CCDC7: variants seen among roughly 807,000 people sequenced by gnomAD.
CCDC7 encodes coiled-coil domain-containing protein 7.
In CCDC7, 183 loss-of-function variants were observed where a neutral mutation model predicts 196.9. That is an observed-to-expected ratio of 0.93 (90% CI 0.82 to 1.05). The LOEUF is 1.05. CCDC7 is among the 50% of genes least tolerant of loss of function. The pLI, the probability that CCDC7 is intolerant of heterozygous loss-of-function variation, is 0.00. For missense variants in CCDC7, 1,540 were observed against 1,482.2 expected, an observed-to-expected ratio of 1.04 and a Z score of -0.64; for synonymous variants, 525 against 484.6, an observed-to-expected ratio of 1.08 and a Z score of -1.10.
At chr10:32,789,852 T>C (rs2082419112) in intron 29 of CCDC7, among the ~76,000 whole-genome samples, 1 of 152,216 alleles carries the variant, frequency 6.6e-6, no homozygotes, top group Non-Finnish European at 1.5e-5. Flanking sequence ...AAGAATAGAA[T>C]AGGCATTGCC....
intron 18 of CCDC7, among the ~76,000 whole-genome samples, chr10:32,606,870 G>A (rs1342089991): frequency 6.6e-6 from 1 of 152,152 alleles, no homozygotes; most frequent in African/African-American, 2.4e-5. Flanking sequence ...TTAAGAGTTT[G>A]GGGGCTATTG....
chr10:32,728,500 T>C (rs1829548938), intron 26 of CCDC7, among the ~76,000 whole-genome samples: 1 of 152,228 alleles, frequency 6.6e-6, no homozygotes, highest in Non-Finnish European at 1.5e-5. Context: ...CTCCTGTGTG[T>C]GAAAATCTCA....
At chr10:32,601,689 C>A (rs2061025984) in intron 18 of CCDC7, among the ~76,000 whole-genome samples, 1 of 152,084 alleles carries the variant, frequency 6.6e-6, no homozygotes, top group African/African-American at 2.4e-5. Flanking sequence ...ATGCACCAAT[C>A]AGCACTCTGT....
At chr10:32,516,977 C>T (rs1262801383) in intron 9 of CCDC7, among the ~76,000 whole-genome samples, 1 of 152,130 alleles carries the variant, frequency 6.6e-6, no homozygotes, top group African/African-American at 2.4e-5. Context: ...TGTTATTTGG[C>T]AGTAACATAG....
chr10:32,624,695 C>G (rs1243371434), intron 18 of CCDC7, among the ~76,000 whole-genome samples: 1 of 152,056 alleles, frequency 6.6e-6, no homozygotes, highest in African/African-American at 2.4e-5. Flanking sequence ...TGCATCTTCC[C>G]AACTACGTGG....
intron 28 of CCDC7, among the ~76,000 whole-genome samples, chr10:32,758,659 T>C (rs1316540508): frequency 6.6e-6 from 1 of 152,106 alleles, no homozygotes; most frequent in African/African-American, 2.4e-5. Context: ...GGGCAAAAAC[T>C]GGAAGCATTC....
At chr10:32,498,161 T>A (rs1286782282) in intron 9 of CCDC7, among the ~76,000 whole-genome samples, 3 of 152,124 alleles carry the variant, frequency 2.0e-5, no homozygotes, top group Non-Finnish European at 4.4e-5. Flanking sequence ...CCTTTTCTCT[T>A]TTGATTTCTG....
At chr10:32,849,386 T>C (rs1019544328) in intron 39 of CCDC7, among the ~76,000 whole-genome samples, 1 of 151,766 alleles carries the variant, frequency 6.6e-6, no homozygotes, top group East Asian at 1.9e-4. Flanking sequence ...ATTCAGTAAA[T>C]AGAAACTTTA....
chr10:32,635,184 A>C lies in CCDC7; in HGVS notation c.2014+26A>C, dbSNP rs1345891106. 3 of 397,946 alleles carry C rather than the reference A, an allele frequency of 7.5e-6. No individual in the cohort carries two copies. In the East Asian group the frequency reaches 1.1e-4, roughly 14 times the overall value. 24.7% of individuals were successfully genotyped at this position (397,946 alleles called of 1,614,324 possible). On this transcript the variant is annotated intron_variant, in intron 20 of 41. Coordinates refer to ENST00000639629, the Ensembl canonical transcript of CCDC7. ...GTAAGTAGTAAGTTTAAAATGTTAT[A>C]AAATTATTTTCAATTATATTAAACA...
At chr10:32,485,934 G>T (rs2040980004) in intron 8 of CCDC7, among the ~76,000 whole-genome samples, 1 of 152,174 alleles carries the variant, frequency 6.6e-6, no homozygotes, top group Non-Finnish European at 1.5e-5. Flanking sequence ...GTCAATTTTG[G>T]AATAAGTGCT....
chr10:32,869,281 T>A (rs1447424069), intron 41 of CCDC7, among the ~76,000 whole-genome samples: 2 of 152,214 alleles, frequency 1.3e-5, no homozygotes, highest in Non-Finnish European at 2.9e-5. Flanking sequence ...TGAGATGGTA[T>A]CTCATTGTGG....
chr10:32,521,277 G>T (rs1372880848), intron 11 of CCDC7, among the ~76,000 whole-genome samples: 1 of 152,096 alleles, frequency 6.6e-6, no homozygotes, highest in Non-Finnish European at 1.5e-5. Flanking sequence ...TTTTGACAGG[G>T]ATTACACTGA....
chr10:32,726,660 A>G (rs1214892962), intron 25 of CCDC7, 74 bp from the exon 27 acceptor site: 18 of 805,760 alleles, frequency 2.2e-5, no homozygotes, highest in Non-Finnish European at 2.8e-5. Context: ...AACTTCAAAT[A>G]TAGAGATTTC....
chr10:32,488,952 G>A (rs1281932785), intron 8 of CCDC7, among the ~76,000 whole-genome samples: 4 of 152,108 alleles, frequency 2.6e-5, no homozygotes, highest in South Asian at 2.1e-4. Context: ...TAGCTTTTTC[G>A]GCTGTGGTTG....
At chr10:32,671,196 A>C (rs1211628329) in intron 21 of CCDC7, among the ~76,000 whole-genome samples, 1 of 152,134 alleles carries the variant, frequency 6.6e-6, no homozygotes, top group African/African-American at 2.4e-5. Context: ...ACTCACTCAG[A>C]GTAACTCTTA....
intron 8 of CCDC7, among the ~76,000 whole-genome samples, chr10:32,477,241 G>A (rs58255751): frequency 0.11 from 15,928 of 150,110 alleles, 1,033 homozygotes; most frequent in South Asian, 0.25. Context: ...ATGGAGTCTC[G>A]CTCTGTCGCT....
At chr10:32,746,753 A>C (rs1042957774) in intron 28 of CCDC7, among the ~76,000 whole-genome samples, 4 of 152,052 alleles carry the variant, frequency 2.6e-5, no homozygotes, top group Non-Finnish European at 5.9e-5. Flanking sequence ...GGACCCCACC[A>C]ATGTGCACCC....
intron 28 of CCDC7, among the ~76,000 whole-genome samples, chr10:32,757,889 T>A (rs529958433): frequency 6.6e-6 from 1 of 152,058 alleles, no homozygotes; most frequent in African/African-American, 2.4e-5. Context: ...AAGAATCAAA[T>A]AGGTGCAATG....
At chr10:32,634,309 A>G (rs910414473) in exon 19 of CCDC7, 1 of 1,219,212 alleles carries the variant, frequency 8.2e-7, no homozygotes, top group East Asian at 3.2e-5. Context: ...ATTCAGTAAC[A>G]AAAGTCCAAA....
Sources: gnomAD v4.1 joint callset for allele counts (sites outside exome capture counted in the v4.1 genomes callset) on GRCh38, gnomAD v4.1.1 for gene constraint, MANE v1.5 for transcripts, NCBI Gene and HGNC (gene_info 2026-07-23, HGNC 2026-07-21) for gene names.